The following TRAPPC9 variants were observed in gnomAD, a reference collection of about 807,000 sequenced individuals.
The protein encoded by TRAPPC9 is IKK2 binding protein.
Under a neutral mutation model 124.0 loss-of-function variants are expected in TRAPPC9, and 83 were observed. The ratio of observed to expected loss-of-function variants is 0.67; its 90% CI spans 0.56 to 0.80. The LOEUF (loss-of-function observed/expected upper bound fraction) is 0.80. Ranked by LOEUF, TRAPPC9 falls within the 30% of genes least tolerant of loss-of-function variation. The pLI is 0.00. For synonymous variants in TRAPPC9, 638 were observed against 617.5 expected (o/e 1.03, Z -0.49); for missense variants, 1,302 against 1,508.3 (o/e 0.86, Z 2.27).
rs1234280796 is a variant in TRAPPC9 at position 140,101,532 on chromosome 8, C to CTTTTTTTTTTTTTTTTTTTTT, written c.2557-77454_2557-77453insAAAAAAAAAAAAAAAAAAAAA. ...ACTTGGGTTGGTTTTGTAGGGTTTT[C>CTTTTTTTTTTTTTTTTTTTTT]TTTTTTTTGTTTTTTTTTTTTTTTT... On this transcript the variant is annotated intron_variant, in intron 17 of 22. Coordinates refer to ENST00000438773, the MANE Select transcript of TRAPPC9 (RefSeq NM_001160372.4). 2.2e-4 allele frequency among the ~76,000 whole-genome samples: 17 copies of CTTTTTTTTTTTTTTTTTTTTT among 78,722 alleles called. 4 individuals carry two copies. Among genetic ancestry groups the CTTTTTTTTTTTTTTTTTTTTT allele is most frequent in the East Asian group, 9.1e-4 (2 of 2,206 alleles). The allele number at this position is 78,722 out of a possible 152,430, so 51.6% of individuals were successfully genotyped here. A position where few individuals can be genotyped will look rare whatever the true frequency, so the allele number is the denominator to read the frequency against.
At chr8:139,863,590 A>C (rs544745302) in intron 21 of TRAPPC9, among the ~76,000 whole-genome samples, 9 of 152,332 alleles carry the variant, frequency 5.9e-5, no homozygotes, top group Admixed American at 4.6e-4. Flanking sequence ...TGTGAGGTGC[A>C]GTACTACCCA....
At chr8:140,085,066 G>A (rs1247210594) in intron 17 of TRAPPC9, among the ~76,000 whole-genome samples, 1 of 152,200 alleles carries the variant, frequency 6.6e-6, no homozygotes, top group East Asian at 1.9e-4. Flanking sequence ...CATGGAGAGT[G>A]GAGATGGGGG....
At chr8:139,749,736 A>G (rs1819189959) in intron 21 of TRAPPC9, among the ~76,000 whole-genome samples, 1 of 152,200 alleles carries the variant, frequency 6.6e-6, no homozygotes, top group African/African-American at 2.4e-5. Context: ...AGGACCTTCT[A>G]GTGGCCCATC....
chr8:139,942,555 C>T (rs1273477040), intron 19 of TRAPPC9, among the ~76,000 whole-genome samples: 1 of 152,062 alleles, frequency 6.6e-6, no homozygotes. Flanking sequence ...ACTGGGGAAG[C>T]GTGAAAGTTG....
intron 5 of TRAPPC9, among the ~76,000 whole-genome samples, chr8:140,423,628 T>C (rs888988427): frequency 1.4e-5 from 2 of 147,914 alleles, no homozygotes. Context: ...TATACACATA[T>C]ACATACACAT....
intron 18 of TRAPPC9, among the ~76,000 whole-genome samples, chr8:139,996,529 A>G (rs1563675462): frequency 6.6e-6 from 1 of 152,054 alleles, no homozygotes; most frequent in African/African-American, 2.4e-5. Context: ...AATGGAAACA[A>G]CAGGGGAAAA....
At position 140,167,154 on chromosome 8, in the gene TRAPPC9, A is replaced by G. The variant is rs540826177; in HGVS notation, c.2556+54305T>C. 2.7e-3 allele frequency among the ~76,000 whole-genome samples: 415 copies of G among 152,322 alleles called. 1 individual carries two copies. The highest frequency in any genetic ancestry group is 9.5e-3 in the African/African-American group (396 of 41,570). ...GACAGTTCATAGCTTTCAAAAAAAA[A>G]AAAAACTTGTTAACAATCAGTTTGA... On this transcript the variant is annotated intron_variant, in intron 17 of 22. Coordinates refer to ENST00000438773, the MANE Select transcript of TRAPPC9 (RefSeq NM_001160372.4).
intron 17 of TRAPPC9, among the ~76,000 whole-genome samples, chr8:140,143,612 T>C (rs552959931): frequency 4.1e-4 from 63 of 152,364 alleles, no homozygotes; most frequent in Non-Finnish European, 7.2e-4. Context: ...TAAGAAACTC[T>C]TTCCTACCCC....
rs560232996 is a variant in TRAPPC9, at chr8:140,254,269, G to C, written c.2279-1340C>G. 2.0e-5 allele frequency among the ~76,000 whole-genome samples: 3 copies of C among 152,360 alleles called. No homozygotes were observed. The East Asian group carries it at 5.8e-4, about 29-fold the overall frequency. On this transcript the variant is annotated intron_variant, in intron 15 of 22. Transcript: ENST00000438773. ...GGTGCAGCCCTGTGTATCCTGGGCA[G>C]TGGGTGTCAGTTCCCTGCCAGCCTG...
chr8:139,824,445 G>A (rs547657901), intron 21 of TRAPPC9, among the ~76,000 whole-genome samples: 19 of 152,342 alleles, frequency 1.2e-4, no homozygotes, highest in African/African-American at 2.4e-4. Flanking sequence ...CACGTCGGGC[G>A]GTGGAGGAAA....
chr8:140,298,218 A>G (rs992824710), intron 11 of TRAPPC9, among the ~76,000 whole-genome samples: 2 of 152,254 alleles, frequency 1.3e-5, no homozygotes, highest in Non-Finnish European at 2.9e-5. Flanking sequence ...CCTTTATCTC[A>G]GCAAACAACT....
intron 19 of TRAPPC9, chr8:139,916,265 A>G (rs954720554): frequency 6.6e-6 from 1 of 152,116 alleles, no homozygotes; most frequent in African/African-American, 2.4e-5. Context: ...AGGCTGATAC[A>G]CCCCACTTTG....
rs376222674 is a variant in TRAPPC9, at chr8:139,729,401, C to T, written c.*1660G>A. ...GCCCAGGTGGCCAGGCCCTCAACTA[C>T]GCTGAGGCATCCTGAACGGAAGGGC... On this transcript the variant is annotated 3_prime_UTR_variant, in exon 23 of 23. Coordinates refer to ENST00000438773, the MANE Select transcript of TRAPPC9 (RefSeq NM_001160372.4). 6.6e-6 allele frequency among the ~76,000 whole-genome samples: 1 copy of T among 152,226 alleles called. No individual in the cohort carries two copies. Among genetic ancestry groups the T allele is most frequent in the African/African-American group, 2.4e-5 (1 of 41,458 alleles).
At chr8:140,171,055 A>C (rs1401414403) in intron 17 of TRAPPC9, among the ~76,000 whole-genome samples, 1 of 152,232 alleles carries the variant, frequency 6.6e-6, no homozygotes. Context: ...AGTTGCGAGA[A>C]ACAGGTTAGA....
intron 7 of TRAPPC9, among the ~76,000 whole-genome samples, chr8:140,386,129 A>T (rs2068749220): frequency 6.6e-6 from 1 of 152,216 alleles, no homozygotes; most frequent in Non-Finnish European, 1.5e-5. Context: ...CCTTCATGCT[A>T]AGAACTCTCA....
At chr8:140,143,991 CTT>C (rs1411664846) in intron 17 of TRAPPC9, among the ~76,000 whole-genome samples, 1 of 152,214 alleles carries the variant, frequency 6.6e-6, no homozygotes, top group Non-Finnish European at 1.5e-5. Context: ...GCATATCAAA[CTT>C]CTCTATACCT....
At chr8:139,954,790 T>G (rs1834871533) in intron 19 of TRAPPC9, among the ~76,000 whole-genome samples, 1 of 152,156 alleles carries the variant, frequency 6.6e-6, no homozygotes, top group Non-Finnish European at 1.5e-5. Flanking sequence ...TCAGTGAAGA[T>G]TTGCCCTGGT....
chr8:140,299,399 T>C (rs1329897375), intron 11 of TRAPPC9, among the ~76,000 whole-genome samples: 3 of 152,130 alleles, frequency 2.0e-5, no homozygotes, highest in Non-Finnish European at 4.4e-5. Context: ...AAAAGCATGG[T>C]GGAAAAAGGA....
At chr8:140,269,589 T>C (rs994324347) in intron 15 of TRAPPC9, among the ~76,000 whole-genome samples, 1 of 144,764 alleles carries the variant, frequency 6.9e-6, no homozygotes, top group Admixed American at 7.0e-5. Flanking sequence ...AATAAATAAA[T>C]AAGATGGATT....
Sources: allele counts gnomAD v4.1 joint callset (sites outside exome capture counted in the v4.1 genomes callset), GRCh38; gene constraint gnomAD v4.1.1; transcripts MANE v1.5; gene names NCBI Gene and HGNC (gene_info 2026-07-23, HGNC 2026-07-21).